SMC6: variants seen among roughly 807,000 people sequenced by gnomAD.
SMC6 encodes structural maintenance of chromosomes protein 6.
In SMC6, 79 loss-of-function variants were observed where a neutral mutation model predicts 142.2. The ratio of observed to expected loss-of-function variants is 0.56; its 90% CI spans 0.46 to 0.67. The LOEUF (loss-of-function observed/expected upper bound fraction) is 0.67, where lower values mean the gene tolerates loss of function less well. SMC6 is among the 30% of genes least tolerant of loss of function. SMC6 has a pLI of 0.00. For synonymous variants in SMC6, 411 were observed against 412.4 expected (o/e 1.00, Z 0.04); for missense variants, 1,072 against 1,284.0 (o/e 0.83, Z 2.52).
At chr2:17,675,282 C>T (rs1019320253) in intron 25 of SMC6, among the ~76,000 whole-genome samples, 1 of 152,064 alleles carries the variant, frequency 6.6e-6, no homozygotes, top group African/African-American at 2.4e-5. Flanking sequence ...CAGTTTAGAA[C>T]TCCATGTACT....
At chr2:17,739,407 G>T (rs1670315252) in intron 4 of SMC6, among the ~76,000 whole-genome samples, 1 of 152,276 alleles carries the variant, frequency 6.6e-6, no homozygotes, top group East Asian at 1.9e-4. Context: ...CACTTCGGAA[G>T]GCCAAGGCAG....
intron 24 of SMC6, chr2:17,679,457 A>G (rs1667143225): frequency 6.6e-6 from 1 of 152,294 alleles, no homozygotes; most frequent in Non-Finnish European, 1.5e-5. Flanking sequence ...CTAATGCCTT[A>G]CACTTTGCTT....
chr2:17,721,798 C>T (rs952189847), intron 9 of SMC6, among the ~76,000 whole-genome samples: 2 of 151,626 alleles, frequency 1.3e-5, no homozygotes, highest in Non-Finnish European at 2.9e-5. Flanking sequence ...CAGGTTCAAG[C>T]GATTCTCCTG....
chr2:17,740,301 A>ACAACAAT (rs1448143160), intron 4 of SMC6, among the ~76,000 whole-genome samples: 2 of 152,176 alleles, frequency 1.3e-5, no homozygotes, highest in Non-Finnish European at 2.9e-5. Context: ...TGATAAAGTA[A>ACAACAAT]GAAAAACAAC....
chr2:17,690,718 C>A (rs1264207001), intron 23 of SMC6, among the ~76,000 whole-genome samples: 3 of 151,818 alleles, frequency 2.0e-5, no homozygotes, highest in African/African-American at 4.8e-5. Flanking sequence ...ATGAAAAGGT[C>A]ATAGAAAAAT....
chr2:17,741,743 A>G lies in SMC6; in HGVS notation c.121-14T>C. 1 of 1,540,926 alleles carries G rather than the reference A, an allele frequency of 6.5e-7. No individual in the cohort carries two copies. The highest frequency in any genetic ancestry group is 8.9e-7 in the Non-Finnish European group (1 of 1,122,232). ...TTCTGCTGCAGTCTATTAATAAAAA[A>G]CAATGGGAGAAAATGGTCAATCTAA... On this transcript the variant is annotated splice_polypyrimidine_tract_variant and intron_variant, in intron 3 of 27. Coordinates refer to ENST00000448223, the MANE Select transcript of SMC6 (RefSeq NM_001142286.2).
chr2:17,739,928 A>ACACACAC (rs60667679), intron 4 of SMC6, among the ~76,000 whole-genome samples: 1 of 143,904 alleles, frequency 6.9e-6, no homozygotes, highest in Admixed American at 6.9e-5. Context: ...ACACACACAC[A>ACACACAC]GAATATGGTA....
At chr2:17,732,411 T>C (rs1490296410) in intron 5 of SMC6, among the ~76,000 whole-genome samples, 1 of 152,064 alleles carries the variant, frequency 6.6e-6, no homozygotes, top group Non-Finnish European at 1.5e-5. Flanking sequence ...TCAAGAAGTG[T>C]AACTAGGCAG....
intron 24 of SMC6, chr2:17,680,499 G>A (rs191841402): frequency 1.1e-4 from 16 of 152,262 alleles, no homozygotes; most frequent in African/African-American, 3.6e-4. Flanking sequence ...GTATCACTAC[G>A]TACAGCAGCT....
intron 5 of SMC6, among the ~76,000 whole-genome samples, chr2:17,737,147 T>TTTTCTCC (rs1239887591): frequency 6.6e-6 from 1 of 152,130 alleles, no homozygotes; most frequent in Non-Finnish European, 1.5e-5. Flanking sequence ...TCTGTGTATC[T>TTTTCTCC]TTTCTCCTTT....
chr2:17,716,794 G>A lies in SMC6; in HGVS notation c.1293C>T (p.Ile431=), dbSNP rs199917843. 44 of 1,613,226 alleles carry A rather than the reference G, an allele frequency of 2.7e-5. No individual in the cohort carries two copies. Among genetic ancestry groups the A allele is most frequent in the East Asian group, 1.8e-4 (8 of 44,788 alleles). The change falls in exon 14 of 28, where the codon ATC becomes ATT. Residue 431 remains isoleucine, a synonymous_variant. Transcript: ENST00000448223. ...QNQENSVNQE[I]EQFQQAIEKD... is the part of the protein sequence containing the mutation. ...TTTCTATGGCTTGCTGAAACTGTTC[G>A]ATCTCTTGATTGACTGAATTTTCTT... is the stretch of plus-strand genomic sequence containing the variant.
In SMC6 at chr2:17,696,369, A is replaced by G; in HGVS notation, c.2452T>C (p.Tyr818His). Reference sequence around the variant, plus strand: ...AAGTGTTCTTTTTGTTTTTCTTCATAATGTCGTTTCCCTCGTTTTTGGTTA... The same window carrying G: ...AAGTGTTCTTTTTGTTTTTCTTCATGATGTCGTTTCCCTCGTTTTTGGTTA... ...VDNQKRGKRH[Y>H]EEKQKEHLDT... The change falls in exon 22 of 28, where the codon TAT becomes CAT. Residue 818 changes from tyrosine to histidine, a missense_variant. Physicochemically the swap from Tyr to His is moderately conservative, Grantham distance 83. This residue lies in a region of SMC6 where 994 missense variants were observed against 1,153.2 expected (regional missense o/e 0.86). Coordinates refer to ENST00000448223, the MANE Select transcript of SMC6 (RefSeq NM_001142286.2). The G allele has an allele frequency of 1.2e-6, 2 of 1,611,966 alleles. No individual in the cohort carries two copies. The highest frequency in any genetic ancestry group is 2.7e-5 in the African/African-American group (2 of 74,784).
At chr2:17,745,050 C>T (rs879710693) in intron 3 of SMC6, among the ~76,000 whole-genome samples, 2 of 152,100 alleles carry the variant, frequency 1.3e-5, no homozygotes, top group Admixed American at 6.6e-5. Flanking sequence ...TGGTCTGAAG[C>T]GGAGTCCTGT....
At chr2:17,740,872 CAAA>C (rs796242066) in intron 4 of SMC6, 1 of 238,698 alleles carries the variant, frequency 4.2e-6, no homozygotes, top group Non-Finnish European at 8.4e-6. Flanking sequence ...AACAAAAAAA[CAAA>C]AAAAACCCCA....
At chr2:17,737,362 C>T (rs1297134786) in intron 5 of SMC6, among the ~76,000 whole-genome samples, 1 of 152,122 alleles carries the variant, frequency 6.6e-6, no homozygotes, top group Non-Finnish European at 1.5e-5. Flanking sequence ...ATGAAAGTTT[C>T]AAAAGTTCTC....
intron 3 of SMC6, among the ~76,000 whole-genome samples, chr2:17,742,246 A>G (rs771913113): frequency 3.3e-5 from 5 of 152,224 alleles, no homozygotes; most frequent in African/African-American, 4.8e-5. Flanking sequence ...ATGACGATCC[A>G]GCCATGCATT....
At position 17,718,206 on chromosome 2, in the gene SMC6, T is replaced by A; in HGVS notation, c.963A>T (p.Ala321=). 3 of 1,602,626 alleles carry A rather than the reference T, an allele frequency of 1.9e-6. No individual in the cohort carries two copies. Among genetic ancestry groups the A allele is most frequent in the Non-Finnish European group, 2.6e-6 (3 of 1,174,496 alleles). The part of the protein sequence containing the change: ...MEEQQVRLNE[A]EQKYKDIQDK... Reference sequence around the variant, plus strand: ...CTTGAATATCCTTGTACTTTTGTTCTGCCTCATTAAGTCTGACCTTTAAGA... The same window carrying A: ...CTTGAATATCCTTGTACTTTTGTTCAGCCTCATTAAGTCTGACCTTTAAGA... The change falls in exon 12 of 28, where the codon GCA becomes GCT. Residue 321 remains alanine, a synonymous_variant. Transcript: ENST00000448223.
At chr2:17,702,005 G>A (rs531231686) in intron 19 of SMC6, 96 bp from the exon 20 acceptor site, 1 of 638,436 alleles carries the variant, frequency 1.6e-6, no homozygotes, top group Non-Finnish European at 2.7e-6. Flanking sequence ...CTATAATGAT[G>A]ATACAGAAGG....
chr2:17,681,946 C>T (rs543012874), intron 24 of SMC6: 1 of 152,006 alleles, frequency 6.6e-6, no homozygotes, highest in Non-Finnish European at 1.5e-5. Flanking sequence ...AAGTGAACTG[C>T]AGTAAAATGA....
Sources: gnomAD v4.1 joint callset for allele counts (sites outside exome capture counted in the v4.1 genomes callset) on GRCh38, gnomAD v4.1.1 for gene constraint, gnomAD v4.1.1 regional missense constraint, MANE v1.5 for transcripts, NCBI Gene and HGNC (gene_info 2026-07-23, HGNC 2026-07-21) for gene names.